RBFOX1: variants seen among roughly 807,000 people sequenced by gnomAD.
RBFOX1 encodes the protein RNA binding protein fox-1 homolog 1.
Under a neutral mutation model 57.7 loss-of-function variants are expected in RBFOX1, and 8 were observed. The ratio of observed to expected loss-of-function variants is 0.14; its 90% CI spans 0.08 to 0.25. The LOEUF is 0.25. Ranked by LOEUF, RBFOX1 falls within the 10% of genes least tolerant of loss-of-function variation. RBFOX1 has a pLI of 1.00. For missense variants in RBFOX1, 611 were observed against 548.5 expected (o/e 1.11, Z -1.14); for synonymous variants, 326 against 222.4 (o/e 1.47, Z -4.15).
chr16:6,650,472 G>T (rs543623294), intron 2 of RBFOX1, among the ~76,000 whole-genome samples: 1 of 152,264 alleles, frequency 6.6e-6, no homozygotes, highest in African/African-American at 2.4e-5. Context: ...GTGTGATTCA[G>T]TATGAGTTAC....
At chr16:5,768,642 T>C (rs1257540993) in intron 3 of RBFOX1, among the ~76,000 whole-genome samples, 2 of 152,188 alleles carry the variant, frequency 1.3e-5, no homozygotes, top group Non-Finnish European at 2.9e-5. Flanking sequence ...TGCTCTTCTG[T>C]GCATTCCTCT....
chr16:5,729,391 C>CT (rs2052275717), intron 3 of RBFOX1, among the ~76,000 whole-genome samples: 17 of 100,384 alleles, frequency 1.7e-4, no homozygotes, highest in South Asian at 3.7e-4. Context: ...TTTTTTTTTT[C>CT]TTTTCTTTTT....
At chr16:5,937,606 A>G (rs554844329) in intron 4 of RBFOX1, among the ~76,000 whole-genome samples, 17 of 150,692 alleles carry the variant, frequency 1.1e-4, no homozygotes, top group African/African-American at 3.4e-4. Context: ...AGTTTTATAT[A>G]TATAGCTACA....
At chr16:5,374,152 A>C (rs1567408750) in intron 1 of RBFOX1, among the ~76,000 whole-genome samples, 1 of 152,208 alleles carries the variant, frequency 6.6e-6, no homozygotes, top group Non-Finnish European at 1.5e-5. Context: ...GGGCCAGGCT[A>C]GTCTTGAACT....
At chr16:5,532,091 G>A (rs1040148032) in intron 2 of RBFOX1, among the ~76,000 whole-genome samples, 1 of 152,172 alleles carries the variant, frequency 6.6e-6, no homozygotes, top group Non-Finnish European at 1.5e-5. Context: ...GAACCACCAT[G>A]CGTGACTGTC....
At chr16:6,876,814 C>G (rs998768749) in intron 3 of RBFOX1, among the ~76,000 whole-genome samples, 2 of 152,078 alleles carry the variant, frequency 1.3e-5, no homozygotes, top group South Asian at 2.1e-4. Context: ...TCTGCTAAAA[C>G]TGACCGAAAG....
chr16:6,002,021 CCG>C (rs550588420), intron 4 of RBFOX1, among the ~76,000 whole-genome samples: 5 of 144,658 alleles, frequency 3.5e-5, no homozygotes, highest in African/African-American at 1.3e-4. Context: ...GGCTGGAGTG[CCG>C]TGGCATGATT....
At chr16:7,076,156 C>T (rs2058261263) in intron 4 of RBFOX1, among the ~76,000 whole-genome samples, 1 of 151,822 alleles carries the variant, frequency 6.6e-6, no homozygotes, top group Non-Finnish European at 1.5e-5. Context: ...ATTCCCCTGC[C>T]TCAGCCTCTC....
Position 6,118,687 on chromosome 16 carries a change from CCTTT to C in RBFOX1, c.-127+98699_-127+98702del, listed in dbSNP as rs559512708. The stretch of plus-strand genomic sequence containing the variant: ...TTCCTTCCTTCCTTCTTCCTTCCTT[CCTTT>C]CTTCCTTCCTTCCTTCTTTGTTTCT... On this transcript the variant is annotated intron_variant, in intron 1 of 15. Transcript: ENST00000550418. 2.3e-3 allele frequency among the ~76,000 whole-genome samples: 349 copies of C among 149,048 alleles called. 2 individuals carry two copies. Among genetic ancestry groups the C allele is most frequent in the African/African-American group, 8.6e-3 (341 of 39,834 alleles).
At chr16:6,937,511 C>T (rs2077580286) in intron 3 of RBFOX1, among the ~76,000 whole-genome samples, 1 of 152,082 alleles carries the variant, frequency 6.6e-6, no homozygotes, top group Non-Finnish European at 1.5e-5. Flanking sequence ...GTGACACAGA[C>T]ATCAGGAGAT....
At chr16:7,646,525 G>T (rs2063771612) in intron 11 of RBFOX1, among the ~76,000 whole-genome samples, 1 of 152,216 alleles carries the variant, frequency 6.6e-6, no homozygotes, top group Admixed American at 6.5e-5. Flanking sequence ...TCATTATGGA[G>T]CAAAGGGAGA....
chr16:7,228,634 C>T (rs965070283), intron 4 of RBFOX1, among the ~76,000 whole-genome samples: 1 of 152,188 alleles, frequency 6.6e-6, no homozygotes, highest in Non-Finnish European at 1.5e-5. Context: ...TAGAAGGATT[C>T]TCAGAATCTT....
chr16:6,889,965 A>G (rs1224546865), intron 3 of RBFOX1, among the ~76,000 whole-genome samples: 1 of 152,192 alleles, frequency 6.6e-6, no homozygotes, highest in Non-Finnish European at 1.5e-5. Flanking sequence ...TGATAACTAG[A>G]ATTCCAGGAG....
intron 3 of RBFOX1, among the ~76,000 whole-genome samples, chr16:5,838,908 C>G (rs1242661881): frequency 6.6e-6 from 1 of 152,158 alleles, no homozygotes; most frequent in Admixed American, 6.5e-5. Context: ...TTTCCTTGCT[C>G]AAGATGACTT....
At chr16:6,534,902 TG>T (rs1381011665) in intron 2 of RBFOX1, among the ~76,000 whole-genome samples, 1 of 152,182 alleles carries the variant, frequency 6.6e-6, no homozygotes, top group African/African-American at 2.4e-5. Context: ...CATATCCTAG[TG>T]GTCAAGCCTG....
chr16:5,711,895 C>T (rs1032588426), intron 3 of RBFOX1, among the ~76,000 whole-genome samples: 1 of 152,152 alleles, frequency 6.6e-6, no homozygotes, highest in African/African-American at 2.4e-5. Context: ...TTATTTAGGA[C>T]CATTGACCTG....
chr16:5,506,003 G>T (rs1567172591), intron 2 of RBFOX1, among the ~76,000 whole-genome samples: 1 of 152,126 alleles, frequency 6.6e-6, no homozygotes, highest in South Asian at 2.1e-4. Context: ...GTTAGGGAAG[G>T]AGGGAAGATG....
At chr16:7,422,896 T>C (rs1008210870) in intron 4 of RBFOX1, 1 of 152,314 alleles carries the variant, frequency 6.6e-6, no homozygotes, top group African/African-American at 2.4e-5. Context: ...CTTTTCTTTT[T>C]GCCATTTGCT....
chr16:7,226,296 C>A (rs559793079), intron 4 of RBFOX1, among the ~76,000 whole-genome samples: 1 of 152,168 alleles, frequency 6.6e-6, no homozygotes, highest in African/African-American at 2.4e-5. Context: ...CTACAAGCTA[C>A]GGAGTTCTCT....
Sources: gnomAD v4.1 joint callset for allele counts (sites outside exome capture counted in the v4.1 genomes callset) on GRCh38, gnomAD v4.1.1 for gene constraint, MANE v1.5 for transcripts, NCBI Gene and HGNC (gene_info 2026-07-23, HGNC 2026-07-21) for gene names.